MED23: variants seen among roughly 807,000 people sequenced by gnomAD.
MED23 encodes mediator of RNA polymerase II transcription subunit 23.
In MED23, 105 loss-of-function variants were observed where a neutral mutation model predicts 163.9. The ratio of observed to expected loss-of-function variants is 0.64; its 90% CI spans 0.55 to 0.75. MED23 has a LOEUF of 0.75. Ranked by LOEUF, MED23 falls within the 30% of genes least tolerant of loss-of-function variation. MED23 has a pLI of 0.00. For missense variants in MED23, 1,054 were observed against 1,649.0 expected, an observed-to-expected ratio of 0.64 and a Z score of 6.25; for synonymous variants, 561 against 565.6, an observed-to-expected ratio of 0.99 and a Z score of 0.12.
downstream of MED23, among the ~76,000 whole-genome samples, chr6:131,581,779 A>C (rs1773938729): frequency 6.6e-6 from 1 of 152,156 alleles, no homozygotes; most frequent in African/African-American, 2.4e-5. Flanking sequence ...ATTCTTACTG[A>C]GTAGTCCTTC....
chr6:131,584,830 C>A (rs975394953), downstream of MED23, among the ~76,000 whole-genome samples: 1 of 150,930 alleles, frequency 6.6e-6, no homozygotes, highest in Non-Finnish European at 1.5e-5. Flanking sequence ...CACACACACA[C>A]ACACACACAC....
At chr6:131,577,234 C>T (rs919375805) in intron 30 of MED23, among the ~76,000 whole-genome samples, 3 of 152,086 alleles carry the variant, frequency 2.0e-5, no homozygotes, top group Non-Finnish European at 2.9e-5. Flanking sequence ...TTTCTGTTAC[C>T]TTTACATATA....
At chr6:131,604,457 G>A (rs1040075890) in intron 14 of MED23, 137 bp from the exon 15 acceptor site, 1 of 1,020,026 alleles carries the variant, frequency 9.8e-7, no homozygotes, top group African/African-American at 1.6e-5. Flanking sequence ...ATGTGTTTAA[G>A]CTGTGCAGGA....
At chr6:131,621,838 T>C in intron 6 of MED23, 43 bp downstream of exon 6, 1 of 1,394,136 alleles carries the variant, frequency 7.2e-7, no homozygotes. Context: ...AAGCTAGACT[T>C]TTTTGAGGTT....
chr6:131,613,363 C>A (rs1188417727), intron 10 of MED23, among the ~76,000 whole-genome samples: 1 of 152,072 alleles, frequency 6.6e-6, no homozygotes. Flanking sequence ...CTGAATGTAA[C>A]CAATATTAGC....
At chr6:131,625,993 G>A (rs1463344103) in intron 3 of MED23, among the ~76,000 whole-genome samples, 1 of 151,564 alleles carries the variant, frequency 6.6e-6, no homozygotes, top group Non-Finnish European at 1.5e-5. Context: ...GTGATAGCAG[G>A]TGCCTGTAGT....
intron 4 of MED23, among the ~76,000 whole-genome samples, chr6:131,624,129 A>C (rs1296917913): frequency 6.6e-6 from 1 of 152,208 alleles, no homozygotes; most frequent in Non-Finnish European, 1.5e-5. Flanking sequence ...GGATGGCAAC[A>C]AGATTTTTGA....
In MED23 at chr6:131,581,299, T is replaced by C. The variant is rs771165013; in HGVS notation, c.4095+6410A>G. The C allele has an allele frequency of 3.7e-6, 6 of 1,613,912 alleles. No homozygotes were observed. Among genetic ancestry groups the C allele is most frequent in the Non-Finnish European group, 5.1e-6 (6 of 1,179,860 alleles). On this transcript the variant is annotated intron_variant, in intron 30 of 30. Transcript: ENST00000354577. ...ATCTGGGTGGATGCTCACACTGATA[T>C]CAACACTCCACTGACAACCACAAGT...
At chr6:131,583,060 C>CT, downstream of MED23, 1 of 1,607,546 alleles carries the variant, frequency 6.2e-7, no homozygotes, top group South Asian at 1.1e-5. Context: ...TCTTTTATAG[C>CT]TACATTTTGA....
In MED23 at chr6:131,605,340, T is replaced by A. The variant is rs1303288047; in HGVS notation, c.1513A>T (p.Met505Leu). Residue 505 changes from methionine (M) to leucine (L), a missense_variant, in exon 14 of 29, where the codon ATG becomes TTG. By Grantham distance (15) the Met-to-Leu change is conservative (BLOSUM62 2). Transcript: ENST00000368068. The stretch of plus-strand genomic sequence containing the variant: ...TTTGTTCCAGGGAGAGGTATCCTCA[T>A]AATTCCATTTCCATAAATAGTTTCT... ...LVETIYGNGI[M>L]RIPLPGTNCM... The A allele has an allele frequency of 1.2e-6, 2 of 1,613,378 alleles. No homozygotes were observed. Among genetic ancestry groups the A allele is most frequent in the African/African-American group, 1.3e-5 (1 of 74,914 alleles).
chr6:131,606,706 C>A (rs1775877521), intron 12 of MED23, 82 bp from the exon 13 acceptor site: 1 of 1,184,568 alleles, frequency 8.4e-7, no homozygotes, highest in African/African-American at 1.5e-5. Flanking sequence ...TAATCAATTT[C>A]TAATATAACT....
At chr6:131,582,413 G>A (rs1773973067), downstream of MED23, among the ~76,000 whole-genome samples, 1 of 152,160 alleles carries the variant, frequency 6.6e-6, no homozygotes, top group African/African-American at 2.4e-5. Context: ...GCACAAAGTA[G>A]GTAAATGCCA....
chr6:131,576,910 A>G (rs1334495413), intron 30 of MED23, among the ~76,000 whole-genome samples: 2 of 152,152 alleles, frequency 1.3e-5, no homozygotes, highest in Non-Finnish European at 2.9e-5. Flanking sequence ...ATGCTCAGGA[A>G]ACATTGCTGG....
Position 131,598,690 on chromosome 6 carries a change from ATACTCC to A in MED23, c.2286_2291del (p.Glu762_Tyr764delinsAsp). ...CGTTGCTCATTGACTTCCACTTCCT[ATACTCC>A]TCCTCCACATTTTTTTTCAGATTAA... On this transcript the variant is annotated inframe_deletion, in exon 19 of 29. Coordinates refer to ENST00000368068, the MANE Select transcript of MED23 (RefSeq NM_004830.4). The surrounding 1 kb of genome is among the most constrained non-coding windows in gnomAD (Gnocchi z 4.7). The A allele has an allele frequency of 6.2e-7, 1 of 1,614,114 alleles. No individual in the cohort carries two copies. Among genetic ancestry groups the A allele is most frequent in the Middle Eastern group, 1.7e-4 (1 of 6,060 alleles).
At position 131,596,039 on chromosome 6, in the gene MED23, T is replaced by G; in HGVS notation, c.2903A>C (p.Asp968Ala). 6.2e-7 allele frequency: 1 copy of G among 1,613,966 alleles called. No homozygotes were observed. Among genetic ancestry groups the G allele is most frequent in the Non-Finnish European group, 8.5e-7 (1 of 1,179,952 alleles). The change falls in exon 22 of 29, where the codon GAT becomes GCT. Residue 968 changes from aspartate to alanine, a missense_variant. Asp to Ala is a moderately radical substitution (Grantham distance 126). This residue lies in a region of MED23 where 228 missense variants were observed against 461.3 expected (regional missense o/e 0.49). Transcript: ENST00000368068. The stretch of plus-strand genomic sequence containing the variant: ...CTCTAAAAATCTGTGGATTACTATA[T>G]CAAATACTGGAAGGAATCGAAGACA... The part of the protein sequence containing the change: ...NVCLRFLPVF[D>A]IVIHRFLELL...
chr6:131,613,557 C>T (rs554672787), intron 10 of MED23, among the ~76,000 whole-genome samples: 2 of 152,220 alleles, frequency 1.3e-5, no homozygotes, highest in African/African-American at 4.8e-5. Flanking sequence ...GCTTCTTATA[C>T]TGTGTGTTCT....
rs1462477486 is a variant in MED23, at chr6:131,605,449, C to T, written c.1404G>A (p.Gln468=). ...LQQSLRNKSL[Q]MNDYKIALLC... is the part of the protein sequence containing the mutation. ...ATAGAGCAATCTTATAGTCATTCAT[C>T]TGTAAACTTTTATTTCTTAGACTCT... The change falls in exon 14 of 29, where the codon CAG becomes CAA. Residue 468 remains glutamine (Q), a synonymous_variant. Coordinates refer to ENST00000368068, the MANE Select transcript of MED23 (RefSeq NM_004830.4). 5 of 1,605,824 alleles carry T rather than the reference C, an allele frequency of 3.1e-6. No homozygotes were observed. The highest frequency in any genetic ancestry group is 4.3e-6 in the Non-Finnish European group (5 of 1,175,218).
At chr6:131,581,415 CT>C (rs751084231) in intron 30 of MED23, 2 of 1,588,386 alleles carry the variant, frequency 1.3e-6, no homozygotes, top group South Asian at 1.1e-5. Context: ...CAATAGAATA[CT>C]TTTTAGTAGA....
chr6:131,593,078 C>T lies in MED23; in HGVS notation c.3326G>A (p.Cys1109Tyr). 1 of 1,614,200 alleles carries T rather than the reference C, an allele frequency of 6.2e-7. No homozygotes were observed. Among genetic ancestry groups the T allele is most frequent in the Non-Finnish European group, 8.5e-7 (1 of 1,180,034 alleles). The change falls in exon 24 of 29, where the codon TGT (cysteine) becomes TAT (tyrosine). Residue 1109 changes from cysteine to tyrosine, a missense_variant. Physicochemically the swap from Cys to Tyr is radical, Grantham distance 194. This residue lies in a region of MED23 where 362 missense variants were observed against 471.6 expected (regional missense o/e 0.77). Coordinates refer to ENST00000368068, the MANE Select transcript of MED23 (RefSeq NM_004830.4). ...NPAAHALHVT[C>Y]VELMALAVSG... ...AACTGCCAAGGCCATGAGCTCCACA[C>T]AAGTAACATGGAGAGCATGGGCAGC...
Sources: allele counts gnomAD v4.1 joint callset (sites outside exome capture counted in the v4.1 genomes callset), GRCh38; gene constraint gnomAD v4.1.1; regional missense constraint gnomAD v4.1.1; non-coding constraint Gnocchi (gnomAD v3.1); transcripts MANE v1.5; gene names NCBI Gene and HGNC (gene_info 2026-07-23, HGNC 2026-07-21).